Variants in USP40 observed in about 807,000 individuals in gnomAD.
USP40 encodes the protein ubiquitin specific peptidase 40.
In USP40, 143 loss-of-function variants were observed where a neutral mutation model predicts 166.2. That is an observed-to-expected ratio of 0.86 (90% CI 0.75 to 0.99). USP40 has a LOEUF of 0.99. Among genes scored for constraint, USP40 ranks in the 50% least tolerant of loss-of-function variants. The pLI is 0.00. For synonymous variants in USP40, 498 were observed against 524.0 expected (o/e 0.95, Z 0.68); for missense variants, 1,444 against 1,479.7 (o/e 0.98, Z 0.40).
At chr2:233,542,671 C>T (rs576903817) in intron 8 of USP40, 32 of 201,028 alleles carry the variant, frequency 1.6e-4, no homozygotes, top group African/African-American at 5.6e-4. Flanking sequence ...CAGAGCAAGA[C>T]GTTGTCAAAA....
chr2:233,488,207 T>C (rs1174116671), intron 28 of USP40, 32 bp downstream of exon 28: 1 of 1,572,856 alleles, frequency 6.4e-7, no homozygotes, highest in Non-Finnish European at 8.7e-7. Context: ...GATACGTGTG[T>C]GTCACTTCAG....
chr2:233,489,548 A>AT, intron 26 of USP40, 65 bp from the exon 27 acceptor site: 3 of 1,307,728 alleles, frequency 2.3e-6, no homozygotes, highest in Non-Finnish European at 3.1e-6. Context: ...ATACTGTTTT[A>AT]GAAAAAAAAA....
At position 233,541,640 on chromosome 2, in the gene USP40, G is replaced by A. The variant is rs548617277; in HGVS notation, c.1062+628C>T. 3.3e-5 allele frequency among the ~76,000 whole-genome samples: 5 copies of A among 152,222 alleles called. No homozygotes were observed. The South Asian group carries it at 1.0e-3, about 32-fold the overall frequency. On this transcript the variant is annotated intron_variant, in intron 9 of 31. Coordinates refer to ENST00000678225, the MANE Select transcript of USP40 (RefSeq NM_001365479.2). ...ATAGATCAATATAATTAAAGTACTC[G>A]ACCCAGGTCCCTAGCAGGAATTATA...
Position 233,520,882 on chromosome 2 carries a change from A to T in USP40, c.2325+109T>A. 7.4e-6 allele frequency: 9 copies of T among 1,215,442 alleles called. No individual in the cohort carries two copies. The South Asian group carries it at 1.5e-4, about 20-fold the overall frequency. The allele number at this position is 1,215,442 out of a possible 1,614,324, so 75.3% of individuals were successfully genotyped here. A position where few individuals can be genotyped will look rare whatever the true frequency, so the allele number is the denominator to read the frequency against. ...TTAAATAAAAAGCTGACTTCCTAAG[A>T]GCTGAAGTCTATTGAGACAACTGTT... On this transcript the variant is annotated intron_variant, in intron 17 of 31. Coordinates refer to ENST00000678225, the MANE Select transcript of USP40 (RefSeq NM_001365479.2).
chr2:233,549,573 A>G (rs1325839389), intron 7 of USP40, among the ~76,000 whole-genome samples: 1 of 152,120 alleles, frequency 6.6e-6, no homozygotes, highest in Non-Finnish European at 1.5e-5. Context: ...ATTTTTAGCA[A>G]GAGAAACCCA....
At chr2:233,561,197 A>G in intron 3 of USP40, 3 of 1,575,808 alleles carry the variant, frequency 1.9e-6, no homozygotes, top group Non-Finnish European at 2.6e-6. Context: ...AAACAAACCA[A>G]GCTCTTCTGG....
chr2:233,527,171 T>C (rs1353404087), intron 13 of USP40, among the ~76,000 whole-genome samples: 1 of 152,118 alleles, frequency 6.6e-6, no homozygotes, highest in Non-Finnish European at 1.5e-5. Flanking sequence ...TCCCCTCAAA[T>C]AAAATGTACC....
At chr2:233,559,181 A>G (rs1014978294) in intron 4 of USP40, among the ~76,000 whole-genome samples, 1 of 152,214 alleles carries the variant, frequency 6.6e-6, no homozygotes, top group East Asian at 1.9e-4. Context: ...ACAAGTGTGT[A>G]GTGTTCGTAT....
chr2:233,485,568 G>T lies in USP40; in HGVS notation c.3467C>A (p.Pro1156Gln), dbSNP rs765747545. ...KKKQDYLQGA[P>Q]YYLKDGDTIG... ...AGTATCTCCGTCTTTCAAGTAATAC[G>T]GTGCCCCTTGCAAATAATCTTGTTT... The change falls in exon 30 of 32, where the codon CCG becomes CAG. Residue 1156 changes from proline (P) to glutamine (Q), a missense_variant. By Grantham distance (76) the Pro-to-Gln change is moderately conservative. Transcript: ENST00000678225. 1.2e-6 allele frequency: 2 copies of T among 1,613,838 alleles called. No homozygotes were observed. The highest frequency in any genetic ancestry group is 2.2e-5 in the South Asian group (2 of 91,050).
At chr2:233,533,371 G>GTT (rs2068693410) in intron 11 of USP40, 108 bp downstream of exon 11, 9 of 1,125,790 alleles carry the variant, frequency 8.0e-6, no homozygotes, top group Admixed American at 2.7e-5. Flanking sequence ...ATTTAAAAAT[G>GTT]TTCCAAGAGT....
At chr2:233,533,370 T>C in intron 11 of USP40, 109 bp downstream of exon 11, 1 of 1,115,564 alleles carries the variant, frequency 9.0e-7, no homozygotes, top group Non-Finnish European at 1.3e-6. Flanking sequence ...TATTTAAAAA[T>C]GTTCCAAGAG....
intron 18 of USP40, among the ~76,000 whole-genome samples, chr2:233,517,990 G>A (rs1382723487): frequency 6.7e-6 from 1 of 149,276 alleles, no homozygotes; most frequent in Non-Finnish European, 1.5e-5. Flanking sequence ...GGACACAAAG[G>A]CACAAGAATG....
intron 11 of USP40, among the ~76,000 whole-genome samples, chr2:233,530,243 A>C (rs76635185): frequency 1.4e-4 from 18 of 131,116 alleles, no homozygotes; most frequent in African/African-American, 5.2e-4. Flanking sequence ...CACACACACA[A>C]ACACACACAA....
chr2:233,524,620 A>C (rs2067889980), intron 14 of USP40, 58 bp from the exon 15 acceptor site: 1 of 1,329,776 alleles, frequency 7.5e-7, no homozygotes, highest in Admixed American at 2.6e-5. Context: ...AACTGAGCTA[A>C]AGAAAGAGCT....
At chr2:233,551,582 T>C in intron 6 of USP40, 63 bp from the exon 7 acceptor site, 2 of 1,467,850 alleles carry the variant, frequency 1.4e-6, no homozygotes, top group Non-Finnish European at 1.8e-6. Flanking sequence ...ATACATAATG[T>C]TTCTTAAGGT....
In USP40 at chr2:233,496,742, A is replaced by G; in HGVS notation, c.2790+16T>C. The G allele has an allele frequency of 1.2e-6, 2 of 1,603,776 alleles. No homozygotes were observed. The highest frequency in any genetic ancestry group is 1.7e-6 in the Non-Finnish European group (2 of 1,172,200). ...ATTATTACTTAAGAGTTGTCTATTC[A>G]GAAGTAAAATCTTACCAGAGGAGGA... On this transcript the variant is annotated intron_variant, in intron 24 of 31. Coordinates refer to ENST00000678225, the MANE Select transcript of USP40 (RefSeq NM_001365479.2).
At chr2:233,525,351 A>T (rs1282995783) in intron 14 of USP40, 127 bp downstream of exon 14, 1 of 573,952 alleles carries the variant, frequency 1.7e-6, no homozygotes, top group African/African-American at 1.9e-5. Flanking sequence ...TTACAGTGTG[A>T]AGATAATCTA....
intron 8 of USP40, among the ~76,000 whole-genome samples, chr2:233,544,829 C>A (rs1210914788): frequency 6.6e-6 from 1 of 152,152 alleles, no homozygotes; most frequent in African/African-American, 2.4e-5. Context: ...TTGCCTTGAC[C>A]TTGATACTGG....
intron 1 of USP40, 64 bp downstream of exon 1, chr2:233,566,620 C>T (rs989846972): frequency 1.1e-5 from 10 of 921,770 alleles, no homozygotes; most frequent in Non-Finnish European, 1.2e-5. Flanking sequence ...CAGACTGGGC[C>T]ACCAACACTG....
Sources: allele counts gnomAD v4.1 joint callset (sites outside exome capture counted in the v4.1 genomes callset), GRCh38; gene constraint gnomAD v4.1.1; transcripts MANE v1.5; gene names NCBI Gene and HGNC (gene_info 2026-07-23, HGNC 2026-07-21).